The following CA10 variants were observed in gnomAD, a reference collection of about 807,000 sequenced individuals.
CA10 encodes the protein carbonic anhydrase-related protein 10.
Under a neutral mutation model 44.2 loss-of-function variants are expected in CA10, and 14 were observed. The observed-to-expected ratio is 0.32, with a 90% CI of 0.21 to 0.50. The LOEUF is 0.50. Among genes scored for constraint, CA10 ranks in the 20% least tolerant of loss-of-function variants. The probability of loss-of-function intolerance (pLI) is 0.99; values close to 1 mark genes in which losing one functional copy is unlikely to be tolerated. For synonymous variants in CA10, 159 were observed against 141.6 expected (o/e 1.12, Z -0.87); for missense variants, 350 against 409.7 (o/e 0.85, Z 1.26).
chr17:51,765,630 G>C (rs142218835), intron 3 of CA10, among the ~76,000 whole-genome samples: 5 of 151,562 alleles, frequency 3.3e-5, no homozygotes, highest in South Asian at 4.2e-4. Context: ...AACCAAGAAG[G>C]CTGGTTATTC....
intron 2 of CA10, among the ~76,000 whole-genome samples, chr17:51,942,273 T>C (rs1983107809): frequency 6.6e-6 from 1 of 152,080 alleles, no homozygotes; most frequent in Admixed American, 6.6e-5. Context: ...ATCTTCATGC[T>C]GCCACTGAGT....
chr17:51,872,563 T>C (rs1437657752), intron 3 of CA10, among the ~76,000 whole-genome samples: 2 of 152,222 alleles, frequency 1.3e-5, no homozygotes, highest in African/African-American at 4.8e-5. Flanking sequence ...GACATCTCAA[T>C]ACATGTCAGA....
At chr17:51,965,855 G>C (rs1442035007) in intron 2 of CA10, among the ~76,000 whole-genome samples, 2 of 151,844 alleles carry the variant, frequency 1.3e-5, no homozygotes, top group African/African-American at 2.4e-5. Context: ...AGTACTAAAA[G>C]TCCTAGCCAG....
rs1478004627 is a variant in CA10 at position 51,959,298 on chromosome 17, G to C, written c.137-28166C>G. Among the ~76,000 whole-genome samples the C allele has an allele frequency of 9.8e-4, 143 of 145,480 alleles. 1 individual carries two copies. The highest frequency in any genetic ancestry group is 8.2e-3 in the South Asian group (38 of 4,650). On this transcript the variant is annotated intron_variant, in intron 2 of 8. Transcript: ENST00000451037. ...TCTCTCTCTCTGTGTGTGTGTGTGT[G>C]TGTGTGTGTGTGTGTGTGTGTGTGT...
intron 3 of CA10, among the ~76,000 whole-genome samples, chr17:51,752,659 T>C (rs1904928984): frequency 6.6e-6 from 1 of 152,172 alleles, no homozygotes; most frequent in Non-Finnish European, 1.5e-5. Context: ...CCAGGTACTT[T>C]GGCTCATGCC....
chr17:51,813,044 G>C (rs992799295), intron 3 of CA10, among the ~76,000 whole-genome samples: 2 of 152,076 alleles, frequency 1.3e-5, no homozygotes, highest in African/African-American at 4.8e-5. Flanking sequence ...ATTTCACTTG[G>C]ACTAAATCGG....
At chr17:51,954,479 A>G (rs1253298748) in intron 2 of CA10, among the ~76,000 whole-genome samples, 1 of 152,144 alleles carries the variant, frequency 6.6e-6, no homozygotes, top group Non-Finnish European at 1.5e-5. Flanking sequence ...ACGGAGTCAC[A>G]TAAGCTTAGG....
At chr17:51,878,397 A>G (rs1980185836) in intron 3 of CA10, among the ~76,000 whole-genome samples, 1 of 152,148 alleles carries the variant, frequency 6.6e-6, no homozygotes, top group African/African-American at 2.4e-5. Context: ...GGCAAGACGC[A>G]GAAAAACTCC....
At chr17:52,079,366 G>A (rs1435778430) in intron 1 of CA10, among the ~76,000 whole-genome samples, 3 of 151,902 alleles carry the variant, frequency 2.0e-5, no homozygotes, top group African/African-American at 7.3e-5. Context: ...GGCTGAGGCA[G>A]GAGAATCGCT....
At chr17:51,777,991 C>T (rs1382028161) in intron 3 of CA10, among the ~76,000 whole-genome samples, 2 of 152,136 alleles carry the variant, frequency 1.3e-5, no homozygotes, top group South Asian at 4.2e-4. Context: ...GGAGCCTCAT[C>T]TGTTGTGAGG....
At chr17:51,895,545 T>A (rs1241998261) in intron 3 of CA10, among the ~76,000 whole-genome samples, 3 of 152,068 alleles carry the variant, frequency 2.0e-5, no homozygotes, top group Non-Finnish European at 4.4e-5. Context: ...AGCAATGATA[T>A]CAGTAAAACT....
intron 4 of CA10, among the ~76,000 whole-genome samples, chr17:51,663,190 C>T (rs1015294451): frequency 3.6e-5 from 1 of 28,138 alleles, no homozygotes; most frequent in Non-Finnish European, 7.5e-5. Flanking sequence ...AGGGAAGTTC[C>T]GTGATGCTTT....
intron 2 of CA10, among the ~76,000 whole-genome samples, chr17:52,071,034 A>G (rs1987666651): frequency 6.6e-6 from 1 of 152,218 alleles, no homozygotes; most frequent in Non-Finnish European, 1.5e-5. Context: ...GGAAAAAAGT[A>G]TGTAAACATT....
At chr17:51,928,595 A>T (rs1485810725) in intron 3 of CA10, among the ~76,000 whole-genome samples, 1 of 152,068 alleles carries the variant, frequency 6.6e-6, no homozygotes, top group Non-Finnish European at 1.5e-5. Flanking sequence ...AAAATGCGAC[A>T]CAAAACATGT....
At position 52,083,256 on chromosome 17, in the gene CA10, T is replaced by C. The variant is rs554511871; in HGVS notation, c.62-10863A>G. Among the ~76,000 whole-genome samples the C allele has an allele frequency of 3.3e-5, 5 of 151,590 alleles. No homozygotes were observed. In the East Asian group the frequency reaches 9.6e-4, roughly 29 times the overall value. On this transcript the variant is annotated intron_variant, in intron 1 of 8. Transcript: ENST00000451037. ...TCCTTGTATCTCTCTTAAGCTTGAA[T>C]TCAGCAAGGCTAAATGCAACGAAAA...
chr17:52,078,489 C>A (rs1020619789), intron 1 of CA10, among the ~76,000 whole-genome samples: 2 of 152,188 alleles, frequency 1.3e-5, no homozygotes, highest in South Asian at 4.1e-4. Context: ...AGAGTACATA[C>A]ACTGCTATGG....
chr17:51,682,428 T>C (rs772709065), intron 4 of CA10, among the ~76,000 whole-genome samples: 2 of 152,178 alleles, frequency 1.3e-5, no homozygotes, highest in South Asian at 2.1e-4. Context: ...ATGGGGTTTA[T>C]TGTTTACATG....
At chr17:52,104,065 C>A (rs939601578) in intron 1 of CA10, among the ~76,000 whole-genome samples, 4 of 152,288 alleles carry the variant, frequency 2.6e-5, no homozygotes, top group South Asian at 2.1e-4. Context: ...ATTAATAATA[C>A]CTGCCTCACA....
At chr17:52,023,013 C>T in intron 2 of CA10, among the ~76,000 whole-genome samples, 1 of 152,048 alleles carries the variant, frequency 6.6e-6, no homozygotes, top group East Asian at 1.9e-4. Context: ...GAATCAATAT[C>T]ATTAAAATGA....
Sources: gnomAD v4.1 joint callset for allele counts (sites outside exome capture counted in the v4.1 genomes callset) on GRCh38, gnomAD v4.1.1 for gene constraint, MANE v1.5 for transcripts, NCBI Gene and HGNC (gene_info 2026-07-23, HGNC 2026-07-21) for gene names.